ABI3BP: variants seen among roughly 807,000 people sequenced by gnomAD.
ABI3BP encodes target of Nesh-SH3.
In ABI3BP, 216 loss-of-function variants were observed where a neutral mutation model predicts 268.6. That is an observed-to-expected ratio of 0.80 (90% CI 0.72 to 0.90). The LOEUF (loss-of-function observed/expected upper bound fraction) is 0.90. ABI3BP is among the 40% of genes least tolerant of loss of function. The probability of loss-of-function intolerance (pLI) is 0.00; values close to 1 mark genes in which losing one functional copy is unlikely to be tolerated. For synonymous variants in ABI3BP, 730 were observed against 730.0 expected (o/e 1.00, Z 0.00); for missense variants, 2,090 against 2,182.4 (o/e 0.96, Z 0.84).
At chr3:100,756,723 A>C (rs1282963408) in intron 63 of ABI3BP, among the ~76,000 whole-genome samples, 1 of 150,070 alleles carries the variant, frequency 6.7e-6, no homozygotes, top group Non-Finnish European at 1.5e-5. Flanking sequence ...TTTCACAGTT[A>C]CGTACACTTA....
At chr3:100,895,713 A>G in intron 4 of ABI3BP, among the ~76,000 whole-genome samples, 1 of 152,220 alleles carries the variant, frequency 6.6e-6, no homozygotes, top group South Asian at 2.1e-4. Context: ...CAATTTTCAG[A>G]ATATAACCAT....
chr3:100,934,727 T>C (rs1432255248), intron 1 of ABI3BP, among the ~76,000 whole-genome samples: 1 of 105,234 alleles, frequency 9.5e-6, no homozygotes, highest in African/African-American at 3.7e-5. Flanking sequence ...ATTTCTCTAA[T>C]AACCAGTGAT....
At chr3:100,804,545 C>A (rs899020968) in intron 51 of ABI3BP, among the ~76,000 whole-genome samples, 1 of 152,104 alleles carries the variant, frequency 6.6e-6, no homozygotes, top group African/African-American at 2.4e-5. Context: ...AATAAGAGAA[C>A]TTTAGTTCTA....
rs149817114 is a variant in ABI3BP at position 100,846,536 on chromosome 3, T to C, written c.1649-90A>G. Reference sequence around the variant, plus strand: ...ACAGAAGGAAAACCTAGAAATAAACTATACATTAAATGGAATGAACTCATC... The same window carrying C: ...ACAGAAGGAAAACCTAGAAATAAACCATACATTAAATGGAATGAACTCATC... On this transcript the variant is annotated intron_variant, in intron 19 of 67. Transcript: ENST00000471714. 1.3e-4 allele frequency: 116 copies of C among 887,198 alleles called. No individual in the cohort carries two copies. The Middle Eastern group carries it at 1.4e-3, about 11-fold the overall frequency. 55.0% of individuals were successfully genotyped at this position (887,198 alleles called of 1,614,324 possible). A position where few individuals can be genotyped will look rare whatever the true frequency, so the allele number is the denominator to read the frequency against.
chr3:100,922,576 G>A, intron 2 of ABI3BP, among the ~76,000 whole-genome samples: 1 of 151,708 alleles, frequency 6.6e-6, no homozygotes, highest in East Asian at 2.0e-4. Context: ...GATGGCGATG[G>A]TGATGGTGAT....
chr3:100,817,605 G>C (rs2098096584), intron 41 of ABI3BP, 110 bp from the exon 42 acceptor site: 1 of 771,870 alleles, frequency 1.3e-6, no homozygotes, highest in African/African-American at 1.8e-5. Flanking sequence ...TTGCAGATTT[G>C]GCCAAACCAT....
chr3:100,830,146 TATATATATATATATATATAA>T (rs1560541170), intron 32 of ABI3BP, among the ~76,000 whole-genome samples: 18 of 59,214 alleles, frequency 3.0e-4, no homozygotes, highest in African/African-American at 8.9e-4. Flanking sequence ...TATATATATA[TATATATATATATATATATAA>T]AATGCAGATA....
intron 1 of ABI3BP, among the ~76,000 whole-genome samples, chr3:100,946,724 G>A (rs2072545187): frequency 6.6e-6 from 1 of 151,452 alleles, no homozygotes; most frequent in Admixed American, 6.6e-5. Context: ...GGAGGCAGAG[G>A]TTGCGGTGAG....
At chr3:100,868,202 C>T (rs1334277771) in intron 9 of ABI3BP, among the ~76,000 whole-genome samples, 1 of 152,162 alleles carries the variant, frequency 6.6e-6, no homozygotes, top group Non-Finnish European at 1.5e-5. Flanking sequence ...AACTTTGGCA[C>T]TATTGATATT....
At chr3:100,948,146 G>A (rs1023706359) in intron 1 of ABI3BP, among the ~76,000 whole-genome samples, 1 of 152,108 alleles carries the variant, frequency 6.6e-6, no homozygotes. Context: ...GAGGACAGAG[G>A]GCCCTGGTAG....
At chr3:100,839,978 T>C (rs932497078) in intron 23 of ABI3BP, 94 bp downstream of exon 23, 1 of 1,012,376 alleles carries the variant, frequency 9.9e-7, no homozygotes, top group Non-Finnish European at 1.5e-6. Flanking sequence ...ATTCCACTGG[T>C]TCCTAAAGCC....
At chr3:100,759,356 A>G (rs1176168893) in intron 63 of ABI3BP, among the ~76,000 whole-genome samples, 5 of 152,180 alleles carry the variant, frequency 3.3e-5, no homozygotes, top group African/African-American at 1.2e-4. Context: ...ACACTGAAGG[A>G]TTATGGTAAG....
In ABI3BP at chr3:100,750,592, C is replaced by A; in HGVS notation, c.5264G>T (p.Arg1755Leu). 1 of 1,612,160 alleles carries A rather than the reference C, an allele frequency of 6.2e-7. No individual in the cohort carries two copies. Among genetic ancestry groups the A allele is most frequent in the Non-Finnish European group, 8.5e-7 (1 of 1,178,884 alleles). Residue 1755 changes from arginine to leucine, a missense_variant, in exon 68 of 68, where the codon CGC becomes CTC. Physicochemically the swap from Arg to Leu is moderately radical, Grantham distance 102 (BLOSUM62 -2). Transcript: ENST00000471714. ...PIKEGYFRAV[R>L]QEPVQFGEIG... ...TTCTCCAAATTGGACAGGTTCCTGG[C>A]GAACTGCTCTGAAATAACCTGAGAG...
intron 1 of ABI3BP, among the ~76,000 whole-genome samples, chr3:100,953,621 T>TG (rs2075859742): frequency 6.6e-6 from 1 of 151,360 alleles, no homozygotes; most frequent in South Asian, 2.1e-4. Context: ...GAAATACTAT[T>TG]TTTTTTGACC....
intron 31 of ABI3BP, among the ~76,000 whole-genome samples, chr3:100,830,947 C>A (rs1266982719): frequency 1.3e-5 from 2 of 152,040 alleles, no homozygotes; most frequent in Non-Finnish European, 2.9e-5. Flanking sequence ...TAGTCATTTT[C>A]TTAGAAAAAG....
At chr3:100,887,671 C>A (rs2042616373) in intron 4 of ABI3BP, among the ~76,000 whole-genome samples, 1 of 151,978 alleles carries the variant, frequency 6.6e-6, no homozygotes, top group African/African-American at 2.4e-5. Context: ...AGGTTAGTAC[C>A]TTTCCTCCAC....
intron 14 of ABI3BP, 37 bp from the exon 15 acceptor site, chr3:100,851,977 T>G: frequency 6.7e-7 from 1 of 1,485,956 alleles, no homozygotes; most frequent in Non-Finnish European, 9.0e-7. Flanking sequence ...AGAGAGATGT[T>G]AATTTTGGTT....
intron 14 of ABI3BP, among the ~76,000 whole-genome samples, chr3:100,854,247 C>T (rs1258260682): frequency 3.3e-5 from 5 of 151,578 alleles, no homozygotes; most frequent in African/African-American, 9.7e-5. Flanking sequence ...CACCTGTGGT[C>T]CCAGCTACTC....
intron 61 of ABI3BP, among the ~76,000 whole-genome samples, chr3:100,773,065 G>A (rs866491199): frequency 6.5e-5 from 9 of 139,142 alleles, no homozygotes; most frequent in Middle Eastern, 7.8e-3. Context: ...GCAACAGAGC[G>A]AGAGTCCATC....
Sources: allele counts gnomAD v4.1 joint callset (sites outside exome capture counted in the v4.1 genomes callset), GRCh38; gene constraint gnomAD v4.1.1; transcripts MANE v1.5; gene names NCBI Gene and HGNC (gene_info 2026-07-23, HGNC 2026-07-21).